Variants in SHROOM3 observed in about 807,000 individuals in gnomAD.
SHROOM3 encodes protein Shroom3.
A neutral mutation model predicts 138.6 loss-of-function variants in SHROOM3; 47 were observed. That is an observed-to-expected ratio of 0.34 (90% CI 0.27 to 0.43). The LOEUF is 0.43. Ranked by LOEUF, SHROOM3 falls within the 20% of genes least tolerant of loss-of-function variation. SHROOM3 has a pLI of 1.00. For synonymous variants in SHROOM3, 1,062 were observed against 1,063.3 expected, an observed-to-expected ratio of 1.00 and a Z score of 0.02; for missense variants, 2,491 against 2,596.5, an observed-to-expected ratio of 0.96 and a Z score of 0.88.
At chr4:76,555,482 C>T (rs1327612856) in intron 1 of SHROOM3, 127 bp from the exon 2 acceptor site, 34 of 1,363,324 alleles carry the variant, frequency 2.5e-5, no homozygotes, top group South Asian at 1.1e-4. Flanking sequence ...TGGCTGCAAG[C>T]GCTGGGGTGT....
At position 76,781,170 on chromosome 4, in the gene SHROOM3, G is replaced by T. The variant is rs1270930270; in HGVS notation, c.*1993G>T. 3 of 152,180 alleles carry T rather than the reference G, an allele frequency of 2.0e-5. No individual in the cohort carries two copies. Among genetic ancestry groups the T allele is most frequent in the African/African-American group, 7.2e-5 (3 of 41,436 alleles). 9.4% of individuals were successfully genotyped at this position (152,180 alleles called of 1,614,324 possible). A position where few individuals can be genotyped will look rare whatever the true frequency, so the allele number is the denominator to read the frequency against. ...AGAAAGGGTCTTACTATGTTGCCCA[G>T]GCTGGAGTGCAGAGTGGTGCGATAA... On this transcript the variant is annotated 3_prime_UTR_variant, in exon 11 of 11. Coordinates refer to ENST00000296043, the MANE Select transcript of SHROOM3 (RefSeq NM_020859.4).
chr4:76,613,411 T>C (rs1405610879), intron 2 of SHROOM3, among the ~76,000 whole-genome samples: 1 of 152,224 alleles, frequency 6.6e-6, no homozygotes, highest in Non-Finnish European at 1.5e-5. Flanking sequence ...TTAGAACACA[T>C]GCAGAGCTCA....
At chr4:76,693,993 C>G (rs1289022709) in intron 2 of SHROOM3, among the ~76,000 whole-genome samples, 1 of 151,928 alleles carries the variant, frequency 6.6e-6, no homozygotes, top group East Asian at 1.9e-4. Flanking sequence ...AAAACTCGAT[C>G]TCTCTATCAA....
At chr4:76,625,073 C>G (rs543635838) in intron 2 of SHROOM3, among the ~76,000 whole-genome samples, 78 of 152,276 alleles carry the variant, frequency 5.1e-4, no homozygotes, top group African/African-American at 1.8e-3. Flanking sequence ...ATGCCAGACT[C>G]CTAGTTTATG....
At chr4:76,703,867 T>C (rs1719971821) in intron 2 of SHROOM3, among the ~76,000 whole-genome samples, 1 of 152,232 alleles carries the variant, frequency 6.6e-6, no homozygotes, top group Admixed American at 6.5e-5. Flanking sequence ...TCCTGTCTAC[T>C]TAATCACAAA....
intron 2 of SHROOM3, among the ~76,000 whole-genome samples, chr4:76,692,170 A>G (rs1297516213): frequency 6.6e-6 from 1 of 152,130 alleles, no homozygotes; most frequent in African/African-American, 2.4e-5. Flanking sequence ...GGCAGTCTTC[A>G]CCTTGCCTGA....
At chr4:76,630,755 C>G (rs112634364) in intron 2 of SHROOM3, among the ~76,000 whole-genome samples, 164 of 152,230 alleles carry the variant, frequency 1.1e-3, no homozygotes, top group Non-Finnish European at 9.4e-4. Flanking sequence ...ATTGGAGAAG[C>G]CTGGAAAGAG....
At chr4:76,633,656 C>CAAAAAAAA (rs869138315) in intron 2 of SHROOM3, among the ~76,000 whole-genome samples, 1 of 88,760 alleles carries the variant, frequency 1.1e-5, no homozygotes, top group Non-Finnish European at 2.2e-5. Flanking sequence ...GACTCCGTCT[C>CAAAAAAAA]AAAAAAAAAA....
At chr4:76,723,316 A>G (rs1023429023) in intron 3 of SHROOM3, among the ~76,000 whole-genome samples, 2 of 152,082 alleles carry the variant, frequency 1.3e-5, no homozygotes, top group African/African-American at 4.8e-5. Flanking sequence ...GGCTCTGGCT[A>G]TACTCTCTTG....
intron 1 of SHROOM3, among the ~76,000 whole-genome samples, chr4:76,499,450 G>A (rs201299063): frequency 7.9e-6 from 1 of 127,346 alleles, no homozygotes; most frequent in Non-Finnish European, 1.8e-5. Context: ...ACTTAGAATA[G>A]GATTTTAAAA....
At chr4:76,694,086 GATTTA>G (rs1318176460) in intron 2 of SHROOM3, among the ~76,000 whole-genome samples, 3 of 152,170 alleles carry the variant, frequency 2.0e-5, no homozygotes, top group Non-Finnish European at 4.4e-5. Flanking sequence ...AAGCTTCAGT[GATTTA>G]ATTTAAGTTC....
chr4:76,505,394 A>T (rs114833014), intron 1 of SHROOM3, among the ~76,000 whole-genome samples: 1 of 152,234 alleles, frequency 6.6e-6, no homozygotes, highest in South Asian at 2.1e-4. Flanking sequence ...ATTTTTAAAG[A>T]TGTACACTTC....
intron 2 of SHROOM3, among the ~76,000 whole-genome samples, chr4:76,609,607 T>C (rs1052244101): frequency 3.0e-4 from 46 of 152,346 alleles, no homozygotes; most frequent in African/African-American, 1.1e-3. Flanking sequence ...CTCTTCAGGA[T>C]CAGAAGTCTT....
At chr4:76,683,830 A>T (rs909084437) in intron 2 of SHROOM3, among the ~76,000 whole-genome samples, 41 of 152,334 alleles carry the variant, frequency 2.7e-4, no homozygotes, top group African/African-American at 9.6e-4. Flanking sequence ...TCAAAGAGTA[A>T]ATCATGGTTC....
In SHROOM3 at chr4:76,626,054, G is replaced by A. The variant is rs1735132027; in HGVS notation, c.323+70291G>A. On this transcript the variant is annotated intron_variant, in intron 2 of 10. Coordinates refer to ENST00000296043, the MANE Select transcript of SHROOM3 (RefSeq NM_020859.4). ...GAGAGCAGAGGGCAGAATGTGCTCT[G>A]TGGTGTTTTATAACTCTGCAGGAGG... Among the ~76,000 whole-genome samples, 3 of 152,208 alleles carry A rather than the reference G, an allele frequency of 2.0e-5. No homozygotes were observed. In the South Asian group the frequency reaches 6.2e-4, roughly 32 times the overall value.
chr4:76,733,788 G>A (rs1475979580), intron 4 of SHROOM3, among the ~76,000 whole-genome samples: 1 of 152,146 alleles, frequency 6.6e-6, no homozygotes, highest in Non-Finnish European at 1.5e-5. Flanking sequence ...GCAGGCGTAA[G>A]AGGGGGTGAG....
In SHROOM3 at chr4:76,756,678, G is replaced by A; in HGVS notation, c.4939G>A (p.Gly1647Arg). ...TQSLSHDPVS[G>R]TQGLEKKVSP... ...AAGCCTCAGCCATGATCCAGTCAGT[G>A]GAACTCAGGGTTTAGAAAAGAAAGT... The change falls in exon 8 of 11, where the codon GGA becomes AGA. Residue 1647 changes from glycine to arginine, a missense_variant. By Grantham distance (125) the Gly-to-Arg change is moderately radical (BLOSUM62 -2). Coordinates refer to ENST00000296043, the MANE Select transcript of SHROOM3 (RefSeq NM_020859.4). The A allele has an allele frequency of 6.2e-7, 1 of 1,614,018 alleles. No homozygotes were observed. The highest frequency in any genetic ancestry group is 8.5e-7 in the Non-Finnish European group (1 of 1,179,996).
chr4:76,752,622 T>C (rs546395723), intron 6 of SHROOM3, among the ~76,000 whole-genome samples: 2 of 152,256 alleles, frequency 1.3e-5, no homozygotes, highest in South Asian at 4.2e-4. Context: ...CAAAGTCTTT[T>C]TTTATCCCAA....
At chr4:76,616,122 G>A (rs1009597693) in intron 2 of SHROOM3, among the ~76,000 whole-genome samples, 5 of 152,022 alleles carry the variant, frequency 3.3e-5, no homozygotes, top group Non-Finnish European at 7.4e-5. Context: ...AAAGGCCTGG[G>A]GTTGGACAAC....
Sources: gnomAD v4.1 joint callset for allele counts (sites outside exome capture counted in the v4.1 genomes callset) on GRCh38, gnomAD v4.1.1 for gene constraint, MANE v1.5 for transcripts, NCBI Gene and HGNC (gene_info 2026-07-23, HGNC 2026-07-21) for gene names.